DGKB: variants seen among roughly 807,000 people sequenced by gnomAD.
DGKB encodes diacylglycerol kinase beta.
A neutral mutation model predicts 114.3 loss-of-function variants in DGKB; 67 were observed. The observed-to-expected ratio is 0.59, with a 90% CI of 0.48 to 0.72. The LOEUF (loss-of-function observed/expected upper bound fraction) is 0.72, where lower values mean the gene tolerates loss of function less well. Ranked by LOEUF, DGKB falls within the 30% of genes least tolerant of loss-of-function variation. The pLI, the probability that DGKB is intolerant of heterozygous loss-of-function variation, is 0.00. For missense variants in DGKB, 907 were observed against 975.2 expected, an observed-to-expected ratio of 0.93 and a Z score of 0.93; for synonymous variants, 398 against 323.1, an observed-to-expected ratio of 1.23 and a Z score of -2.49.
At chr7:14,233,314 G>A (rs1466128465) in intron 23 of DGKB, among the ~76,000 whole-genome samples, 2 of 152,092 alleles carry the variant, frequency 1.3e-5, no homozygotes. Context: ...AACTCTGACT[G>A]AAGAGCAATG....
At chr7:14,911,011 T>C (rs1314129344) in intron 1 of DGKB, among the ~76,000 whole-genome samples, 2 of 152,130 alleles carry the variant, frequency 1.3e-5, no homozygotes, top group Admixed American at 6.6e-5. Flanking sequence ...CTGCAATGTA[T>C]AGTATGTATC....
intron 23 of DGKB, among the ~76,000 whole-genome samples, chr7:14,228,882 T>TCTGTG (rs1554296427): frequency 1.5e-5 from 1 of 67,718 alleles, no homozygotes. Context: ...TCAGTTTTTT[T>TCTGTG]TCTGTGTGTG....
intron 20 of DGKB, among the ~76,000 whole-genome samples, chr7:14,547,402 G>T (rs1339190301): frequency 6.6e-6 from 1 of 152,066 alleles, no homozygotes; most frequent in East Asian, 1.9e-4. Context: ...ATTATATTAT[G>T]ATAATATGAC....
chr7:14,740,831 T>C lies in DGKB; in HGVS notation c.169-4637A>G, dbSNP rs1377394421. ...ACTGTTAACATGAGTGAAAGCTGCA[T>C]TGACACCCATGGGTGGCACCCTGTT... On this transcript the variant is annotated intron_variant, in intron 4 of 25. Transcript: ENST00000402815. Among the ~76,000 whole-genome samples, 4 of 152,122 alleles carry C rather than the reference T, an allele frequency of 2.6e-5. No homozygotes were observed. The East Asian group carries it at 7.7e-4, about 29-fold the overall frequency.
intron 12 of DGKB, among the ~76,000 whole-genome samples, chr7:14,675,289 C>T (rs1054888366): frequency 1.3e-5 from 2 of 152,098 alleles, no homozygotes; most frequent in African/African-American, 2.4e-5. Context: ...GCCTCAGCCT[C>T]CTCCACACCT....
At position 14,709,118 on chromosome 7, in the gene DGKB, AG is replaced by A. The variant is rs766141581; in HGVS notation, c.467-7389del. On this transcript the variant is annotated intron_variant, in intron 6 of 25. Transcript: ENST00000402815. ...TACAATGAACTCAAACAAATTTACAAGAAAAAATCAAACAACCCCATCAAAA... is the reference window on the plus strand; with the variant it reads ...TACAATGAACTCAAACAAATTTACAAAAAAAATCAAACAACCCCATCAAAA... Among the ~76,000 whole-genome samples the A allele has an allele frequency of 4.8e-4, 73 of 150,788 alleles. 1 individual carries two copies. Among genetic ancestry groups the A allele is most frequent in the African/African-American group, 1.7e-3 (68 of 40,800 alleles).
chr7:14,189,259 G>A (rs1935841844), intron 23 of DGKB, among the ~76,000 whole-genome samples: 2 of 152,118 alleles, frequency 1.3e-5, no homozygotes, highest in African/African-American at 4.8e-5. Flanking sequence ...TAAATTAAGT[G>A]AACAAAAGTA....
chr7:14,476,107 C>A (rs1003458088), intron 21 of DGKB, among the ~76,000 whole-genome samples: 3 of 151,618 alleles, frequency 2.0e-5, no homozygotes, highest in African/African-American at 7.3e-5. Context: ...TTGCTTGAAA[C>A]CTATTTTAAT....
At chr7:14,620,026 A>G (rs1807311643) in intron 15 of DGKB, among the ~76,000 whole-genome samples, 1 of 151,614 alleles carries the variant, frequency 6.6e-6, no homozygotes, top group African/African-American at 2.4e-5. Flanking sequence ...TTAGGCATCC[A>G]CGTATTGAAT....
intron 21 of DGKB, among the ~76,000 whole-genome samples, chr7:14,466,125 A>C (rs942936546): frequency 6.6e-6 from 1 of 152,204 alleles, no homozygotes; most frequent in African/African-American, 2.4e-5. Context: ...AGGAGTTGTC[A>C]GTGGTTTGGT....
intron 1 of DGKB, among the ~76,000 whole-genome samples, chr7:14,952,564 T>A (rs886678580): frequency 2.0e-5 from 3 of 151,458 alleles, no homozygotes; most frequent in African/African-American, 7.3e-5. Context: ...AAATACAGCC[T>A]GAGCAACATG....
chr7:14,659,283 A>G (rs942973501), intron 13 of DGKB, among the ~76,000 whole-genome samples: 3 of 152,028 alleles, frequency 2.0e-5, no homozygotes, highest in Non-Finnish European at 4.4e-5. Flanking sequence ...GGACAGTAAT[A>G]ATATGGTTAA....
intron 1 of DGKB, among the ~76,000 whole-genome samples, chr7:14,858,966 G>A (rs949898405): frequency 1.3e-5 from 2 of 152,112 alleles, no homozygotes; most frequent in Admixed American, 1.3e-4. Context: ...ATCTTCATAG[G>A]AGACAGCTTG....
chr7:14,620,132 C>T (rs1414900498), intron 15 of DGKB, among the ~76,000 whole-genome samples: 4 of 151,168 alleles, frequency 2.6e-5, no homozygotes. Flanking sequence ...TTGACAGCTC[C>T]TATGAAATTT....
At chr7:14,322,759 A>G (rs1016385105) in intron 23 of DGKB, among the ~76,000 whole-genome samples, 1 of 152,228 alleles carries the variant, frequency 6.6e-6, no homozygotes, top group Non-Finnish European at 1.5e-5. Flanking sequence ...CAGTTAAAAA[A>G]TAGGCAAAAG....
At chr7:14,759,090 A>G (rs57838109) in intron 2 of DGKB, among the ~76,000 whole-genome samples, 8,545 of 152,084 alleles carry the variant, frequency 0.056, 344 homozygotes, top group Admixed American at 0.11. Context: ...ATGCCTGGCT[A>G]ATTTTTATAA....
chr7:14,913,593 T>C (rs1784096044), intron 1 of DGKB, among the ~76,000 whole-genome samples: 2 of 149,366 alleles, frequency 1.3e-5, no homozygotes, highest in African/African-American at 4.9e-5. Context: ...CAGAGGAGAG[T>C]GATAATAGGA....
chr7:14,840,699 AACACACACACACACACACACACACACAC>A (rs57577998), intron 2 of DGKB, among the ~76,000 whole-genome samples: 2 of 130,190 alleles, frequency 1.5e-5, no homozygotes, highest in Admixed American at 1.5e-4. Flanking sequence ...ACTCTCTTTT[AACACACACACACACACACACACACACAC>A]ACACACACAC....
chr7:14,703,794 A>T (rs965488864), intron 6 of DGKB, among the ~76,000 whole-genome samples: 1 of 152,206 alleles, frequency 6.6e-6, no homozygotes, highest in Non-Finnish European at 1.5e-5. Flanking sequence ...GTGATTCTGC[A>T]TGCTCCTAAA....
Sources: allele counts gnomAD v4.1 joint callset (sites outside exome capture counted in the v4.1 genomes callset), GRCh38; gene constraint gnomAD v4.1.1; transcripts MANE v1.5; gene names NCBI Gene and HGNC (gene_info 2026-07-23, HGNC 2026-07-21).